Variants in LOXL2 observed in about 807,000 individuals in gnomAD.
LOXL2 encodes the protein lysyl oxidase like 2, also known as lysyl oxidase homolog 2.
LOXL2 carries 70 observed loss-of-function variants against 93.0 expected under a neutral mutation model. The observed-to-expected ratio is 0.75, with a 90% CI of 0.62 to 0.92. LOXL2 has a LOEUF of 0.92. Among genes scored for constraint, LOXL2 ranks in the 40% least tolerant of loss-of-function variants. The pLI, the probability that LOXL2 is intolerant of heterozygous loss-of-function variation, is 0.00. For missense variants in LOXL2, 973 were observed against 1,054.9 expected, an observed-to-expected ratio of 0.92 and a Z score of 1.08; for synonymous variants, 438 against 413.2, an observed-to-expected ratio of 1.06 and a Z score of -0.73.
chr8:23,400,066 A>G (rs777040991), intron 1 of LOXL2, among the ~76,000 whole-genome samples: 1 of 152,210 alleles, frequency 6.6e-6, no homozygotes, highest in African/African-American at 2.4e-5. Context: ...CCTTTTTCCC[A>G]CATGATCTGC....
intron 3 of LOXL2, among the ~76,000 whole-genome samples, chr8:23,349,830 A>G (rs1436649165): frequency 1.3e-5 from 2 of 151,988 alleles, no homozygotes; most frequent in East Asian, 1.9e-4. Context: ...TGGGTCCCCA[A>G]ACATATTTGG....
intron 9 of LOXL2, among the ~76,000 whole-genome samples, chr8:23,315,237 A>C (rs961777655): frequency 2.0e-5 from 3 of 152,178 alleles, no homozygotes; most frequent in Non-Finnish European, 4.4e-5. Flanking sequence ...GGGACTGGAC[A>C]TGGGGGTGGT....
chr8:23,345,360 TC>T (rs547892795), intron 3 of LOXL2, among the ~76,000 whole-genome samples: 109 of 152,264 alleles, frequency 7.2e-4, no homozygotes, highest in African/African-American at 2.3e-3. Context: ...ATTCTGGGTG[TC>T]CCCTTCAACC....
Position 23,329,893 on chromosome 8 carries a change from G to A in LOXL2, c.967-1328C>T, listed in dbSNP as rs76842241. Among the ~76,000 whole-genome samples the A allele has an allele frequency of 8.6e-3, 1,303 of 152,310 alleles. 82 individuals carry two copies. In the East Asian group the frequency reaches 0.16, roughly 19 times the overall value. ...TCTCTACCAATTGTACCTTGGGGCT[G>A]GCCATGGCATGGTGGGGTGCTGGGA... is the stretch of plus-strand genomic sequence containing the variant. On this transcript the variant is annotated intron_variant, in intron 5 of 13. Transcript: ENST00000389131.
At chr8:23,372,751 A>G (rs2117218008) in intron 1 of LOXL2, among the ~76,000 whole-genome samples, 1 of 152,332 alleles carries the variant, frequency 6.6e-6, no homozygotes, top group South Asian at 2.1e-4. Flanking sequence ...TAAAAGAAAT[A>G]TTGATAGAAC....
At chr8:23,362,295 G>A (rs1804307804) in intron 2 of LOXL2, among the ~76,000 whole-genome samples, 1 of 152,228 alleles carries the variant, frequency 6.6e-6, no homozygotes, top group Non-Finnish European at 1.5e-5. Context: ...AAGTAGAGTG[G>A]TGGCTGCCAG....
At chr8:23,328,686 C>T (rs1188928288) in intron 5 of LOXL2, 121 bp from the exon 6 acceptor site, 1 of 818,034 alleles carries the variant, frequency 1.2e-6, no homozygotes, top group South Asian at 1.5e-5. Flanking sequence ...AGTCTGGGAG[C>T]TGCAACTATG....
intron 10 of LOXL2, among the ~76,000 whole-genome samples, chr8:23,309,047 T>A (rs1460972006): frequency 2.0e-5 from 3 of 151,062 alleles, no homozygotes; most frequent in African/African-American, 7.3e-5. Context: ...TGTGGTGGCG[T>A]GATCTCAGCT....
chr8:23,395,701 T>C (rs1024334100), intron 1 of LOXL2, among the ~76,000 whole-genome samples: 1 of 152,140 alleles, frequency 6.6e-6, no homozygotes, highest in African/African-American at 2.4e-5. Context: ...TTTATTATTA[T>C]TATTTTATTA....
At chr8:23,346,153 AAAT>A (rs1803976858) in intron 3 of LOXL2, among the ~76,000 whole-genome samples, 3 of 129,794 alleles carry the variant, frequency 2.3e-5, no homozygotes, top group African/African-American at 5.8e-5. Flanking sequence ...AAATAAAATA[AAAT>A]AAAAAATAAA....
chr8:23,319,021 C>G (rs1332600764), intron 8 of LOXL2, among the ~76,000 whole-genome samples: 1 of 152,188 alleles, frequency 6.6e-6, no homozygotes, highest in Non-Finnish European at 1.5e-5. Context: ...CAAGAAGGAC[C>G]ACTGGGGAAG....
In LOXL2 at chr8:23,297,452, A is replaced by T. The variant is rs1803050468; in HGVS notation, c.*591T>A. On this transcript the variant is annotated 3_prime_UTR_variant, in exon 14 of 14. Transcript: ENST00000389131. The stretch of plus-strand genomic sequence containing the variant: ...TGAAAATATAATAATAGTATCTTGA[A>T]AAACAAGGGGTGGGGGCTGTGGATA... 1 of 152,286 alleles carries T rather than the reference A, an allele frequency of 6.6e-6. No individual in the cohort carries two copies. The highest frequency in any genetic ancestry group is 1.5e-5 in the Non-Finnish European group (1 of 68,100). The allele number at this position is 152,286 out of a possible 1,614,324, so 9.4% of individuals were successfully genotyped here.
At chr8:23,391,075 A>G (rs1307087125) in intron 1 of LOXL2, among the ~76,000 whole-genome samples, 1 of 152,196 alleles carries the variant, frequency 6.6e-6, no homozygotes, top group East Asian at 1.9e-4. Context: ...CCACAAGAAC[A>G]GTATGAGGGA....
intron 12 of LOXL2, among the ~76,000 whole-genome samples, chr8:23,301,602 A>G (rs1585340014): frequency 6.6e-6 from 1 of 152,276 alleles, no homozygotes; most frequent in South Asian, 2.1e-4. Flanking sequence ...GCTCTTTATG[A>G]GTTTGCTTTC....
At chr8:23,302,554 G>C (rs938521615) in intron 11 of LOXL2, among the ~76,000 whole-genome samples, 1 of 152,196 alleles carries the variant, frequency 6.6e-6, no homozygotes, top group East Asian at 1.9e-4. Flanking sequence ...TAGAGTGTAG[G>C]CCCATGTCTC....
chr8:23,395,566 G>A (rs1800079689), intron 1 of LOXL2, among the ~76,000 whole-genome samples: 1 of 152,110 alleles, frequency 6.6e-6, no homozygotes, highest in African/African-American at 2.4e-5. Context: ...TGAATTGGAT[G>A]ATATGCAAAT....
chr8:23,352,464 A>G (rs894723707), intron 3 of LOXL2, among the ~76,000 whole-genome samples: 1 of 152,166 alleles, frequency 6.6e-6, no homozygotes, highest in Non-Finnish European at 1.5e-5. Flanking sequence ...GGGAGTCAGG[A>G]GAAGGATGAG....
chr8:23,308,305 G>C (rs935585534), intron 10 of LOXL2, among the ~76,000 whole-genome samples: 4 of 152,222 alleles, frequency 2.6e-5, no homozygotes, highest in African/African-American at 4.8e-5. Context: ...TGCAGATGCT[G>C]ATGTGTCGGT....
At chr8:23,357,567 CATT>C (rs1804220743) in intron 3 of LOXL2, among the ~76,000 whole-genome samples, 1 of 151,514 alleles carries the variant, frequency 6.6e-6, no homozygotes, top group Non-Finnish European at 1.5e-5. Flanking sequence ...TTTCCAAAAT[CATT>C]TTTTTTTTCC....
Sources: allele counts gnomAD v4.1 joint callset (sites outside exome capture counted in the v4.1 genomes callset), GRCh38; gene constraint gnomAD v4.1.1; transcripts MANE v1.5; gene names NCBI Gene and HGNC (gene_info 2026-07-23, HGNC 2026-07-21).